AKAP19: variants seen among roughly 807,000 people sequenced by gnomAD.
AKAP19 encodes the protein A-kinase anchoring protein 19, also known as small A-kinase anchoring protein.
chr2:190,149,001 T>G, the AKAP19 span, among the ~76,000 whole-genome samples: 1 of 151,108 alleles, frequency 6.6e-6, no homozygotes, highest in African/African-American at 2.4e-5. Context: ...TTCACTCTTC[T>G]TGCCCAGGCT....
chr2:190,155,308 G>A, the AKAP19 span, among the ~76,000 whole-genome samples: 3 of 152,154 alleles, frequency 2.0e-5, no homozygotes, highest in Non-Finnish European at 2.9e-5. Flanking sequence ...AAGTATTTCT[G>A]ATGGTTGAAA....
At chr2:190,080,895 A>G in the AKAP19 span, among the ~76,000 whole-genome samples, 834 of 152,286 alleles carry the variant, frequency 5.5e-3, 3 homozygotes, top group Middle Eastern at 0.017. Context: ...ACTGTACAAG[A>G]TTCCATTTCA....
chr2:190,027,223 C>T, the AKAP19 span, among the ~76,000 whole-genome samples: 1 of 152,152 alleles, frequency 6.6e-6, no homozygotes, highest in African/African-American at 2.4e-5. Context: ...ACATTATGTT[C>T]CAAATCCAAG....
At chr2:190,089,582 A>C in the AKAP19 span, 1 of 152,174 alleles carries the variant, frequency 6.6e-6, no homozygotes, top group Admixed American at 6.6e-5. Context: ...AAGCCAGAAT[A>C]GACTAGTTCA....
chr2:190,174,913 C>G, the AKAP19 span, among the ~76,000 whole-genome samples: 3 of 152,146 alleles, frequency 2.0e-5, no homozygotes, highest in Admixed American at 2.0e-4. Flanking sequence ...ATATAAAGCA[C>G]CAAAGCAAAG....
chr2:189,998,374 A>G, the AKAP19 span, among the ~76,000 whole-genome samples: 1 of 152,192 alleles, frequency 6.6e-6, no homozygotes, highest in Non-Finnish European at 1.5e-5. Flanking sequence ...TAACTAGTGC[A>G]GCCATCTGGG....
chr2:189,922,009 G>C, the AKAP19 span, among the ~76,000 whole-genome samples: 1 of 152,198 alleles, frequency 6.6e-6, no homozygotes, highest in Non-Finnish European at 1.5e-5. Flanking sequence ...AGTATAGGGT[G>C]CTGGATGAGC....
At chr2:190,172,995 A>G in the AKAP19 span, among the ~76,000 whole-genome samples, 1 of 152,082 alleles carries the variant, frequency 6.6e-6, no homozygotes, top group Non-Finnish European at 1.5e-5. Context: ...GGCACCTGCA[A>G]TCTCAGCTAC....
the AKAP19 span, chr2:189,917,471 A>T: frequency 7.4e-6 from 5 of 679,716 alleles, no homozygotes; most frequent in South Asian, 1.7e-5. Context: ...TTACTGGTTG[A>T]CTCTTTGAAA....
chr2:189,902,557 T>C, the AKAP19 span, among the ~76,000 whole-genome samples: 1 of 152,002 alleles, frequency 6.6e-6, no homozygotes, highest in African/African-American at 2.4e-5. Flanking sequence ...TTTCTTATTT[T>C]TTCCTTAAAG....
chr2:190,199,776 TCACATGGACAAATTTCATTG>T, the AKAP19 span: 1 of 1,554,468 alleles, frequency 6.4e-7, no homozygotes, highest in Admixed American at 1.9e-5. Context: ...CTGGTCAACA[TCACATGGACAAATTTCATTG>T]TTTTCTAAAG....
the AKAP19 span, among the ~76,000 whole-genome samples, chr2:189,949,957 T>A: frequency 2.6e-5 from 4 of 151,582 alleles, no homozygotes; most frequent in Non-Finnish European, 4.4e-5. Flanking sequence ...TGTCCTGAAA[T>A]GTAACTCTTC....
At chr2:190,105,183 T>C in the AKAP19 span, among the ~76,000 whole-genome samples, 1 of 152,204 alleles carries the variant, frequency 6.6e-6, no homozygotes, top group Non-Finnish European at 1.5e-5. Flanking sequence ...TATACTCATA[T>C]GTTCATCACA....
chr2:189,925,491 G>A, the AKAP19 span, among the ~76,000 whole-genome samples: 1 of 152,134 alleles, frequency 6.6e-6, no homozygotes, highest in African/African-American at 2.4e-5. Context: ...TTTCAGGGAG[G>A]CAGTAACCAT....
At chr2:190,139,720 G>T in the AKAP19 span, among the ~76,000 whole-genome samples, 358 of 152,230 alleles carry the variant, frequency 2.4e-3, 4 homozygotes, top group African/African-American at 8.1e-3. Flanking sequence ...CCCACAACAT[G>T]TGGAGGTTAT....
the AKAP19 span, among the ~76,000 whole-genome samples, chr2:190,018,722 T>C: frequency 2.6e-5 from 4 of 152,218 alleles, no homozygotes; most frequent in Non-Finnish European, 5.9e-5. Flanking sequence ...CTTTGTGTCA[T>C]TGTGTTGGTG....
the AKAP19 span, among the ~76,000 whole-genome samples, chr2:189,961,204 C>T: frequency 6.6e-6 from 1 of 152,278 alleles, no homozygotes; most frequent in East Asian, 1.9e-4. Context: ...AACCCACACC[C>T]GTGTTCTTTG....
At chr2:190,127,252 G>A in the AKAP19 span, among the ~76,000 whole-genome samples, 3 of 150,800 alleles carry the variant, frequency 2.0e-5, no homozygotes, top group African/African-American at 7.3e-5. Flanking sequence ...TTGGCAGAAA[G>A]CTTATTCAGA....
the AKAP19 span, among the ~76,000 whole-genome samples, chr2:190,149,749 T>C: frequency 1.3e-5 from 2 of 152,234 alleles, no homozygotes; most frequent in South Asian, 2.1e-4. Context: ...ATGGTCTATC[T>C]TGGAGAAAGT....
Sources: gnomAD v4.1 joint callset for allele counts (sites outside exome capture counted in the v4.1 genomes callset) on GRCh38, gnomAD v4.1.1 for gene constraint, MANE v1.5 for transcripts, NCBI Gene and HGNC (gene_info 2026-07-23, HGNC 2026-07-21) for gene names.